Variants in COMMD1 observed in about 807,000 individuals in gnomAD.
COMMD1 encodes the protein COMM domain-containing protein 1.
In COMMD1, 10 loss-of-function variants were observed where a neutral mutation model predicts 17.2. The ratio of observed to expected loss-of-function variants is 0.58; its 90% CI spans 0.36 to 0.99. The LOEUF (loss-of-function observed/expected upper bound fraction) is 0.99. Among genes scored for constraint, COMMD1 ranks in the 50% least tolerant of loss-of-function variants. The pLI, the probability that COMMD1 is intolerant of heterozygous loss-of-function variation, is 0.01. For synonymous variants in COMMD1, 97 were observed against 91.6 expected, an observed-to-expected ratio of 1.06 and a Z score of -0.34; for missense variants, 270 against 231.8, an observed-to-expected ratio of 1.17 and a Z score of -1.07.
At chr2:62,013,344 C>T (rs1371321214) in intron 2 of COMMD1, among the ~76,000 whole-genome samples, 1 of 152,052 alleles carries the variant, frequency 6.6e-6, no homozygotes, top group Middle Eastern at 3.2e-3. Context: ...ATGAATGGAG[C>T]CAATATTAAT....
intron 2 of COMMD1, among the ~76,000 whole-genome samples, chr2:62,125,872 C>A (rs1377684495): frequency 6.6e-6 from 1 of 152,136 alleles, no homozygotes; most frequent in African/African-American, 2.4e-5. Context: ...CCATCACCTA[C>A]ATATTAAGCC....
chr2:62,128,680 C>T (rs1288080913), intron 2 of COMMD1, among the ~76,000 whole-genome samples: 3 of 151,906 alleles, frequency 2.0e-5, no homozygotes, highest in Non-Finnish European at 4.4e-5. Context: ...AGACCAGGCA[C>T]GGTGGCTCAC....
At chr2:62,135,645 C>G (rs1312960695) in intron 2 of COMMD1, among the ~76,000 whole-genome samples, 186 bp from the exon 3 acceptor site, 2 of 152,216 alleles carry the variant, frequency 1.3e-5, no homozygotes, top group Non-Finnish European at 2.9e-5. Flanking sequence ...GCCACTGCGC[C>G]TGGCATAAAA....
intron 1 of COMMD1, among the ~76,000 whole-genome samples, chr2:61,960,671 C>T (rs974407507): frequency 1.7e-4 from 26 of 152,170 alleles, no homozygotes; most frequent in Non-Finnish European, 3.8e-4. Flanking sequence ...TAGCTAACAT[C>T]ATGTCTAGGG....
chr2:62,021,921 C>A (rs753836875), intron 2 of COMMD1, among the ~76,000 whole-genome samples: 3 of 152,104 alleles, frequency 2.0e-5, no homozygotes, highest in Non-Finnish European at 2.9e-5. Flanking sequence ...TTTGTGTTTT[C>A]TTCTGTAGAA....
At chr2:62,019,131 C>CCCTTCCTT (rs1239787487) in intron 2 of COMMD1, among the ~76,000 whole-genome samples, 16 of 91,870 alleles carry the variant, frequency 1.7e-4, no homozygotes, top group Admixed American at 1.7e-3. Flanking sequence ...CTCCCTCCCT[C>CCCTTCCTT]CCTTCCTTCC....
chr2:62,112,608 G>T (rs1436949750), intron 2 of COMMD1, among the ~76,000 whole-genome samples: 4 of 152,196 alleles, frequency 2.6e-5, no homozygotes, highest in African/African-American at 9.7e-5. Context: ...TTTCATACCT[G>T]ACACAATGTT....
intron 2 of COMMD1, among the ~76,000 whole-genome samples, chr2:62,101,954 A>AGAG (rs1382109357): frequency 3.8e-4 from 58 of 152,238 alleles, no homozygotes; most frequent in African/African-American, 1.4e-3. Flanking sequence ...CTCTCCCTGA[A>AGAG]GGTCAGCCTA....
chr2:62,117,035 C>T (rs1392612729), intron 2 of COMMD1, among the ~76,000 whole-genome samples: 1 of 151,726 alleles, frequency 6.6e-6, no homozygotes, highest in Non-Finnish European at 1.5e-5. Flanking sequence ...TGAACCTTGC[C>T]TACAGTTCTG....
chr2:61,968,183 G>T (rs1671554695), intron 1 of COMMD1, among the ~76,000 whole-genome samples: 1 of 151,810 alleles, frequency 6.6e-6, no homozygotes, highest in Admixed American at 6.6e-5. Context: ...GAAAACAAAA[G>T]CCGCTTGGTG....
chr2:61,890,360 C>T (rs530323501), intron 1 of COMMD1, among the ~76,000 whole-genome samples: 132 of 152,112 alleles, frequency 8.7e-4, no homozygotes, highest in Non-Finnish European at 1.7e-3. Context: ...GCTGGGATTA[C>T]GGGCATGCAC....
At chr2:62,074,260 A>G (rs11125906) in intron 2 of COMMD1, among the ~76,000 whole-genome samples, 58,674 of 152,064 alleles carry the variant, frequency 0.39, 12,747 homozygotes, top group African/African-American at 0.6. Context: ...AAGGTTGGCC[A>G]CATGATTGAA....
At chr2:62,087,544 G>C (rs1441378326) in intron 2 of COMMD1, among the ~76,000 whole-genome samples, 2 of 152,198 alleles carry the variant, frequency 1.3e-5, no homozygotes, top group African/African-American at 4.8e-5. Flanking sequence ...TCAGGAGTTT[G>C]AGACCAGCCT....
chr2:61,949,697 C>T (rs1452525512), intron 1 of COMMD1, among the ~76,000 whole-genome samples: 2 of 152,170 alleles, frequency 1.3e-5, no homozygotes, highest in East Asian at 1.9e-4. Context: ...AACTTGTGTC[C>T]GTGGCCTCCA....
chr2:61,956,739 T>C (rs1671207505), intron 1 of COMMD1, among the ~76,000 whole-genome samples: 1 of 151,090 alleles, frequency 6.6e-6, no homozygotes. Context: ...AGAAAGCGCA[T>C]AGTTTTTTTT....
rs544074626 is a variant in COMMD1, at chr2:61,913,455, A to T, written c.180+7597A>T. On this transcript the variant is annotated intron_variant, in intron 1 of 2. Coordinates refer to ENST00000311832, the MANE Select transcript of COMMD1 (RefSeq NM_152516.4). Reference sequence around the variant, plus strand: ...CACTTTGGGAGGCCGAGGCAGATGGATCATGAGGTCAGGAGATCGAGACCA... The same window carrying T: ...CACTTTGGGAGGCCGAGGCAGATGGTTCATGAGGTCAGGAGATCGAGACCA... 1.5e-4 allele frequency among the ~76,000 whole-genome samples: 22 copies of T among 151,720 alleles called. No homozygotes were observed. In the East Asian group the frequency reaches 4.3e-3, roughly 30 times the overall value.
intron 2 of COMMD1, among the ~76,000 whole-genome samples, chr2:62,012,272 C>CACACACACACACACACAT (rs1669301841): frequency 1.5e-5 from 1 of 65,918 alleles, no homozygotes; most frequent in Non-Finnish European, 3.4e-5. Context: ...CACACACATA[C>CACACACACACACACACAT]ACACACACAC....
Position 62,051,201 on chromosome 2 carries a change from A to G in COMMD1, c.462+50219A>G, listed in dbSNP as rs1670523875. 4.6e-5 allele frequency among the ~76,000 whole-genome samples: 7 copies of G among 152,154 alleles called. No individual in the cohort carries two copies. The South Asian group carries it at 1.5e-3, about 32-fold the overall frequency. On this transcript the variant is annotated intron_variant, in intron 2 of 2. Transcript: ENST00000311832. ...CCTGCTCACCTTAGATAGGCTCAGT[A>G]TATTTCATGATAGGCTTCTAGACTG...
intron 1 of COMMD1, among the ~76,000 whole-genome samples, chr2:61,963,586 T>G (rs1671426481): frequency 6.6e-6 from 1 of 152,218 alleles, no homozygotes; most frequent in Non-Finnish European, 1.5e-5. Flanking sequence ...TCAGGTGATC[T>G]GCCCGCCTCG....
Sources: allele counts gnomAD v4.1 joint callset (sites outside exome capture counted in the v4.1 genomes callset), GRCh38; gene constraint gnomAD v4.1.1; transcripts MANE v1.5; gene names NCBI Gene and HGNC (gene_info 2026-07-23, HGNC 2026-07-21).